Variants in GAA observed in about 807,000 individuals in gnomAD.
The protein encoded by GAA is alpha glucosidase.
GAA carries 88 observed loss-of-function variants against 103.9 expected under a neutral mutation model. That is an observed-to-expected ratio of 0.85 (90% CI 0.71 to 1.01). The LOEUF is 1.01. GAA is among the 50% of genes least tolerant of loss of function. GAA has a pLI of 0.00. For missense variants in GAA, 1,350 were observed against 1,305.3 expected (o/e 1.03, Z -0.53); for synonymous variants, 572 against 563.1 (o/e 1.02, Z -0.22).
At position 80,112,099 on chromosome 17, in the gene GAA, A is replaced by G; in HGVS notation, c.1753A>G (p.Arg585Gly). The G allele has an allele frequency of 6.2e-7, 1 of 1,613,176 alleles. No individual in the cohort carries two copies. The highest frequency in any genetic ancestry group is 8.5e-7 in the Non-Finnish European group (1 of 1,179,322). The change falls in exon 12 of 20, where the codon AGG (arginine) becomes GGG (glycine). Residue 585 changes from arginine (R) to glycine (G), a missense_variant and splice_region_variant. Coordinates refer to ENST00000302262, the MANE Select transcript of GAA (RefSeq NM_000152.5). The part of the protein sequence containing the change: ...YGLTEAIASH[R>G]ALVKARGTRP... ...CCTGACCGAAGCCATCGCCTCCCAC[A>G]GGTGAGGGCCACGTCCCGCCCCACT...
intron 2 of GAA, 60 bp from the exon 3 acceptor site, chr17:80,105,689 G>A: frequency 6.3e-7 from 1 of 1,597,774 alleles, no homozygotes. Flanking sequence ...TGGCGTGCGG[G>A]TTGTTCTCTG....
chr17:80,111,316 C>G lies in GAA; in HGVS notation c.1636+291C>G, dbSNP rs539386391. On this transcript the variant is annotated intron_variant, in intron 11 of 19. Coordinates refer to ENST00000302262, the MANE Select transcript of GAA (RefSeq NM_000152.5). ...CGTCTCGATAGGCGCAGGGACCATG[C>G]AGCGGAGACCTACCCACCCGTGGGG... is the stretch of plus-strand genomic sequence containing the variant. Among the ~76,000 whole-genome samples, 101 of 152,334 alleles carry G rather than the reference C, an allele frequency of 6.6e-4. 1 individual carries two copies. The highest frequency in any genetic ancestry group is 1.9e-4 in the Non-Finnish European group (13 of 68,032).
chr17:80,117,753 C>A lies in GAA; in HGVS notation c.2481+4C>A. 6.2e-7 allele frequency: 1 copy of A among 1,606,736 alleles called. No individual in the cohort carries two copies. Among genetic ancestry groups the A allele is most frequent in the Non-Finnish European group, 8.5e-7 (1 of 1,178,014 alleles). On this transcript the variant is annotated splice_donor_region_variant and intron_variant, in intron 17 of 19. Coordinates refer to ENST00000302262, the MANE Select transcript of GAA (RefSeq NM_000152.5). The stretch of plus-strand genomic sequence containing the variant: ...TGGGTACATCATCCCCCTGCAGGTA[C>A]CTGGGCCAGGCGGCTATGGTGGGGG...
intron 11 of GAA, 153 bp from the exon 12 acceptor site, chr17:80,111,830 C>T: frequency 3.1e-6 from 2 of 647,650 alleles, no homozygotes; most frequent in Non-Finnish European, 5.5e-6. Context: ...GCCAGCCCCA[C>T]AGAGGCGTGG....
chr17:80,110,823 T>G lies in GAA; in HGVS notation c.1534T>G (p.Phe512Val). Reference sequence around the variant, plus strand: ...GGCTGAGTTCCATGACCAGGTGCCCTTCGACGGCATGTGGATTGTAAGTGT... The same window carrying G: ...GGCTGAGTTCCATGACCAGGTGCCCGTCGACGGCATGTGGATTGTAAGTGT... ...MVAEFHDQVP[F>V]DGMWIDMNEP... Residue 512 changes from phenylalanine to valine, a missense_variant, in exon 10 of 20, where the codon TTC becomes GTC. Physicochemically the swap from Phe to Val is conservative, Grantham distance 50 (BLOSUM62 -1). Coordinates refer to ENST00000302262, the MANE Select transcript of GAA (RefSeq NM_000152.5). 6.2e-7 allele frequency: 1 copy of G among 1,614,122 alleles called. No individual in the cohort carries two copies. The highest frequency in any genetic ancestry group is 8.5e-7 in the Non-Finnish European group (1 of 1,180,020).
Position 80,110,763 on chromosome 17 carries a change from A to G in GAA, c.1474A>G (p.Asn492Asp). 6.2e-7 allele frequency: 1 copy of G among 1,614,046 alleles called. No individual in the cohort carries two copies. The change falls in exon 10 of 20, where the codon AAC becomes GAC. Residue 492 changes from asparagine to aspartate, a missense_variant. Transcript: ENST00000302262. ...PGSTAFPDFT[N>D]PTALAWWEDM... ...GTCCACTGCCTTCCCCGACTTCACC[A>G]ACCCCACAGCCCTGGCCTGGTGGGA...
rs371980868 is a variant in GAA at position 80,107,739 on chromosome 17, C to T, written c.858+17C>T. 19 of 1,609,964 alleles carry T rather than the reference C, an allele frequency of 1.2e-5. No individual in the cohort carries two copies. The highest frequency in any genetic ancestry group is 8.0e-5 in the African/African-American group (6 of 74,562). On this transcript the variant is annotated intron_variant, in intron 4 of 19. Coordinates refer to ENST00000302262, the MANE Select transcript of GAA (RefSeq NM_000152.5). ...GCGCCCACGGTACAGCGGCGGGCGG[C>T]GGGCGGGGGCACTGAGCTGGGGAGC... is the stretch of plus-strand genomic sequence containing the variant.
intron 11 of GAA, 119 bp from the exon 12 acceptor site, chr17:80,111,864 A>G (rs1172726030): frequency 5.0e-6 from 4 of 795,586 alleles, no homozygotes; most frequent in Non-Finnish European, 6.3e-6. Flanking sequence ...GTGCACCTCC[A>G]GGGCCAGCCT....
chr17:80,108,158 T>C, intron 5 of GAA, 132 bp from the exon 6 acceptor site: 1 of 1,513,914 alleles, frequency 6.6e-7, no homozygotes, highest in Non-Finnish European at 9.1e-7. Context: ...TTAGCACGGC[T>C]TCCCCAGGCC....
chr17:80,104,537 C>A lies in GAA; in HGVS notation c.-32-18C>A, dbSNP rs771367579. ...GCCCCTCCCGCCTCCCTGCTGAGCCCGCTTTCTTCTCCCGCAGGCCTGTAG... is the reference window on the plus strand; with the variant it reads ...GCCCCTCCCGCCTCCCTGCTGAGCCAGCTTTCTTCTCCCGCAGGCCTGTAG... On this transcript the variant is annotated intron_variant, in intron 1 of 19. Transcript: ENST00000302262. This position sits in a 1 kb window ranked among gnomAD's most constrained non-coding sequence, Gnocchi z 4.0. 1.9e-6 allele frequency: 3 copies of A among 1,555,164 alleles called. No individual in the cohort carries two copies. The highest frequency in any genetic ancestry group is 1.2e-5 in the South Asian group (1 of 85,624).
Position 80,118,387 on chromosome 17 carries a change from G to T in GAA, c.2646+30G>T, listed in dbSNP as rs369783589. 83 of 1,556,228 alleles carry T rather than the reference G, an allele frequency of 5.3e-5. No homozygotes were observed. Among genetic ancestry groups the T allele is most frequent in the Non-Finnish European group, 6.7e-5 (77 of 1,150,056 alleles). ...GTCCTGGGGCTGCTCAGGCTGGTGG[G>T]CAGGGGCCGGCTCGGGGTTGAGAAG... On this transcript the variant is annotated intron_variant, in intron 18 of 19. Coordinates refer to ENST00000302262, the MANE Select transcript of GAA (RefSeq NM_000152.5).
At position 80,118,659 on chromosome 17, in the gene GAA, A is replaced by G; in HGVS notation, c.2653A>G (p.Ile885Val). 6.2e-7 allele frequency: 1 copy of G among 1,612,268 alleles called. No individual in the cohort carries two copies. The highest frequency in any genetic ancestry group is 8.5e-7 in the Non-Finnish European group (1 of 1,179,984). ...QVIFLARNNT[I>V]VNELVRVTSE... ...CTCTCTCTGCTCGGCCCAGAACACG[A>G]TCGTGAATGAGCTGGTACGTGTGAC... The change falls in exon 19 of 20, where the codon ATC becomes GTC. Residue 885 changes from isoleucine to valine, a missense_variant. By Grantham distance (29) the Ile-to-Val change is conservative. Coordinates refer to ENST00000302262, the MANE Select transcript of GAA (RefSeq NM_000152.5).
chr17:80,103,685 G>T (rs1005712693), intron 1 of GAA, among the ~76,000 whole-genome samples: 8 of 152,144 alleles, frequency 5.3e-5, no homozygotes, highest in Admixed American at 5.2e-4. Flanking sequence ...CGAGGCTCCA[G>T]GTGCAGCCAC....
At position 80,119,612 on chromosome 17, in the gene GAA, G is replaced by T. The variant is rs2039439433; in HGVS notation, c.*281G>T. ...ATTGTAAGGTTTGCCCTCCTCACCT[G>T]TTGCCGGCATGCGGGTAGTATTAGC... On this transcript the variant is annotated 3_prime_UTR_variant, in exon 20 of 20. Transcript: ENST00000302262. 1 of 447,666 alleles carries T rather than the reference G, an allele frequency of 2.2e-6. No homozygotes were observed. The highest frequency in any genetic ancestry group is 4.2e-6 in the Non-Finnish European group (1 of 239,478). The allele number at this position is 447,666 out of a possible 1,614,324, so 27.7% of individuals were successfully genotyped here.
chr17:80,105,973 T>C, intron 3 of GAA, 79 bp downstream of exon 3: 1 of 1,503,518 alleles, frequency 6.7e-7, no homozygotes, highest in Non-Finnish European at 8.9e-7. Flanking sequence ...CACACGCGTT[T>C]GTTTCTCACA....
chr17:80,118,547 C>T, intron 18 of GAA, 106 bp from the exon 19 acceptor site: 1 of 1,471,688 alleles, frequency 6.8e-7, no homozygotes, highest in African/African-American at 1.4e-5. Context: ...GGGAGGTCAC[C>T]TCCCTGATGC....
At chr17:80,103,660 T>C (rs1184552813) in intron 1 of GAA, among the ~76,000 whole-genome samples, 1 of 150,516 alleles carries the variant, frequency 6.6e-6, no homozygotes, top group African/African-American at 2.4e-5. Context: ...GCGACATCCT[T>C]GTTGTGTCTG....
At chr17:80,111,377 G>A (rs995383631) in intron 11 of GAA, among the ~76,000 whole-genome samples, 4 of 152,218 alleles carry the variant, frequency 2.6e-5, no homozygotes, top group African/African-American at 9.6e-5. Context: ...GCACGGGCAA[G>A]TGGATTTCTA....
intron 15 of GAA, among the ~76,000 whole-genome samples, chr17:80,114,731 T>C (rs1053929628): frequency 2.6e-5 from 4 of 152,238 alleles, no homozygotes; most frequent in African/African-American, 9.6e-5. Context: ...CCTTTACCCA[T>C]GGTTTTATTT....
Sources: allele counts gnomAD v4.1 joint callset (sites outside exome capture counted in the v4.1 genomes callset), GRCh38; gene constraint gnomAD v4.1.1; non-coding constraint Gnocchi (gnomAD v3.1); transcripts MANE v1.5; gene names NCBI Gene and HGNC (gene_info 2026-07-23, HGNC 2026-07-21).